The following ATG5 variants were observed in gnomAD, a reference collection of about 807,000 sequenced individuals.
ATG5 encodes the protein autophagy related 5, also known as autophagy protein 5.
A neutral mutation model predicts 36.5 loss-of-function variants in ATG5; 14 were observed. The ratio of observed to expected loss-of-function variants is 0.38; its 90% CI spans 0.25 to 0.60. The LOEUF is 0.60. ATG5 is among the 20% of genes least tolerant of loss of function. ATG5 has a pLI of 0.60. For synonymous variants in ATG5, 95 were observed against 101.5 expected (o/e 0.94, Z 0.38); for missense variants, 195 against 326.7 (o/e 0.60, Z 3.11).
At chr6:106,305,838 A>AT (rs963956082) in intron 3 of ATG5, among the ~76,000 whole-genome samples, 5 of 152,160 alleles carry the variant, frequency 3.3e-5, no homozygotes, top group African/African-American at 1.2e-4. Context: ...AGGAAGATAC[A>AT]TTTTTTAACA....
rs573507836 is a variant in ATG5, at chr6:106,218,134, A to G, written c.574-16045T>C. ...GAGTAAGGAGCATTCTGTGTCAAAG[A>G]ATTCACTAGCAAAAGAGGGTATACT... On this transcript the variant is annotated intron_variant, in intron 6 of 7. Coordinates refer to ENST00000369076, the MANE Select transcript of ATG5 (RefSeq NM_004849.4). 1.6e-3 allele frequency among the ~76,000 whole-genome samples: 251 copies of G among 152,294 alleles called. 1 individual carries two copies. Among genetic ancestry groups the G allele is most frequent in the African/African-American group, 5.2e-3 (218 of 41,560 alleles).
intron 7 of ATG5, among the ~76,000 whole-genome samples, chr6:106,193,604 A>C (rs956140419): frequency 1.2e-4 from 18 of 152,232 alleles, no homozygotes; most frequent in Admixed American, 1.1e-3. Flanking sequence ...ATAAGATAAA[A>C]ATGTGGTAAA....
intron 5 of ATG5, among the ~76,000 whole-genome samples, chr6:106,266,813 A>G (rs1421395291): frequency 1.3e-5 from 2 of 152,224 alleles, no homozygotes; most frequent in East Asian, 3.8e-4. Context: ...CCTTCATGCT[A>G]AAAACTCTCA....
Position 106,279,721 on chromosome 6 carries a change from G to T in ATG5, c.418C>A (p.Gln140Lys). The T allele has an allele frequency of 6.2e-7, 1 of 1,607,876 alleles. No individual in the cohort carries two copies. Among genetic ancestry groups the T allele is most frequent in the South Asian group, 1.1e-5 (1 of 89,500 alleles). The change falls in exon 5 of 8, where the codon CAA becomes AAA. Residue 140 changes from glutamine (Q) to lysine (K), a missense_variant. Coordinates refer to ENST00000369076, the MANE Select transcript of ATG5 (RefSeq NM_004849.4). ...TTTTTCTGCATTTCATTGATTACTT[G>T]ACTTTTATGTTTTAAAGCATCAGCT... ...KEADALKHKSQVINEMQKKDH... is the reference protein window; with the variant it reads ...KEADALKHKSKVINEMQKKDH...
chr6:106,228,151 G>A (rs1055998438), intron 6 of ATG5, among the ~76,000 whole-genome samples: 24 of 152,094 alleles, frequency 1.6e-4, no homozygotes, highest in African/African-American at 5.8e-4. Flanking sequence ...ACCCTCTTTG[G>A]GTCCCCTCCC....
intron 5 of ATG5, among the ~76,000 whole-genome samples, chr6:106,278,828 C>A (rs553719251): frequency 6.6e-6 from 1 of 152,250 alleles, no homozygotes; most frequent in Admixed American, 6.5e-5. Context: ...CATAGAGAGG[C>A]CAATCACTGA....
chr6:106,273,148 G>GTTATGCCTCC (rs947361735), intron 5 of ATG5, among the ~76,000 whole-genome samples: 2 of 152,218 alleles, frequency 1.3e-5, no homozygotes, highest in African/African-American at 4.8e-5. Flanking sequence ...AAGAAGAGTA[G>GTTATGCCTCC]TTATGCCTCC....
At chr6:106,193,315 C>T (rs948701652) in intron 7 of ATG5, among the ~76,000 whole-genome samples, 3 of 152,078 alleles carry the variant, frequency 2.0e-5, no homozygotes, top group Non-Finnish European at 4.4e-5. Context: ...TACCAAATAC[C>T]AGATATACCA....
rs372102128 is a variant in ATG5, at chr6:106,186,688, A to G, written c.692-12T>C. The G allele has an allele frequency of 1.6e-5, 26 of 1,612,438 alleles. No individual in the cohort carries two copies. The highest frequency in any genetic ancestry group is 1.6e-4 in the Middle Eastern group (1 of 6,078). ...CTTTTTTTCCCCATCTATTCCAAGA[A>G]AGAAACCCAACAACAATAAAAGTCA... On this transcript the variant is annotated splice_polypyrimidine_tract_variant and intron_variant, in intron 7 of 7. Transcript: ENST00000369076.
intron 6 of ATG5, among the ~76,000 whole-genome samples, chr6:106,226,532 G>C (rs567385065): frequency 1.3e-5 from 2 of 151,806 alleles, no homozygotes; most frequent in Admixed American, 6.6e-5. Flanking sequence ...TATGCGCAAA[G>C]AACTAAAAAA....
At chr6:106,294,157 A>G (rs1348277505) in intron 3 of ATG5, among the ~76,000 whole-genome samples, 1 of 152,088 alleles carries the variant, frequency 6.6e-6, no homozygotes, top group Non-Finnish European at 1.5e-5. Flanking sequence ...CTCACCCTGT[A>G]CTCACAACAA....
chr6:106,260,995 T>C (rs980648808), intron 5 of ATG5, among the ~76,000 whole-genome samples: 6 of 152,148 alleles, frequency 3.9e-5, no homozygotes, highest in African/African-American at 1.4e-4. Flanking sequence ...GCGTAATACA[T>C]GAACCAGCAT....
intron 5 of ATG5, among the ~76,000 whole-genome samples, chr6:106,264,462 C>T (rs1353620774): frequency 6.6e-6 from 1 of 152,026 alleles, no homozygotes; most frequent in Admixed American, 6.6e-5. Flanking sequence ...CAAGACAGGC[C>T]AACATTCAAA....
chr6:106,266,159 G>A (rs1317002338), intron 5 of ATG5, among the ~76,000 whole-genome samples: 1 of 152,056 alleles, frequency 6.6e-6, no homozygotes, highest in African/African-American at 2.4e-5. Context: ...AAATGATAAA[G>A]GGGATATCAT....
intron 3 of ATG5, among the ~76,000 whole-genome samples, chr6:106,297,293 T>C (rs1769996132): frequency 1.3e-5 from 2 of 152,130 alleles, no homozygotes; most frequent in East Asian, 1.9e-4. Flanking sequence ...AGTAGGCAAA[T>C]GCAAAAGTTC....
rs1232411290 is a variant in ATG5 at position 106,185,735 on chromosome 6, T to C, written c.*805A>G. On this transcript the variant is annotated 3_prime_UTR_variant, in exon 8 of 8. Coordinates refer to ENST00000369076, the MANE Select transcript of ATG5 (RefSeq NM_004849.4). Reference sequence around the variant, plus strand: ...AGTTACAATATTTATACGTGTAGTGTGTAAAGAACACAGGTTTTTTAATTG... The same window carrying C: ...AGTTACAATATTTATACGTGTAGTGCGTAAAGAACACAGGTTTTTTAATTG... The C allele has an allele frequency of 6.6e-6, 1 of 152,372 alleles. No homozygotes were observed. The highest frequency in any genetic ancestry group is 1.5e-5 in the Non-Finnish European group (1 of 68,050). 9.4% of individuals were successfully genotyped at this position (152,372 alleles called of 1,614,324 possible).
intron 4 of ATG5, among the ~76,000 whole-genome samples, chr6:106,291,830 CTA>C (rs1307684865): frequency 5.3e-5 from 8 of 152,340 alleles, no homozygotes; most frequent in African/African-American, 1.9e-4. Context: ...CATACCAACA[CTA>C]TGTGCTCTAT....
intron 2 of ATG5, among the ~76,000 whole-genome samples, chr6:106,309,558 A>C (rs188257923): frequency 1.3e-5 from 2 of 152,312 alleles, no homozygotes; most frequent in African/African-American, 4.8e-5. Context: ...TAAAGAAATA[A>C]CTGTGATTAG....
intron 1 of ATG5, among the ~76,000 whole-genome samples, chr6:106,320,617 G>A (rs1350337600): frequency 1.5e-5 from 2 of 135,970 alleles, no homozygotes; most frequent in African/African-American, 6.6e-5. Flanking sequence ...AAGTCAAAAG[G>A]CTGTTCTGAA....
Sources: allele counts gnomAD v4.1 joint callset (sites outside exome capture counted in the v4.1 genomes callset), GRCh38; gene constraint gnomAD v4.1.1; transcripts MANE v1.5; gene names NCBI Gene and HGNC (gene_info 2026-07-23, HGNC 2026-07-21).